Variants in LZTS1 observed in about 807,000 individuals in gnomAD.
LZTS1 encodes leucine zipper tumor suppressor 1.
Under a neutral mutation model 45.8 loss-of-function variants are expected in LZTS1, and 31 were observed. The observed-to-expected ratio is 0.68, with a 90% CI of 0.51 to 0.91. The LOEUF (loss-of-function observed/expected upper bound fraction) is 0.91. Among genes scored for constraint, LZTS1 ranks in the 40% least tolerant of loss-of-function variants. The pLI is 0.00. For missense variants in LZTS1, 821 were observed against 788.9 expected (o/e 1.04, Z -0.49); for synonymous variants, 359 against 357.3 (o/e 1.00, Z -0.05).
chr8:20,288,411 G>C (rs534228594), intron 1 of LZTS1, among the ~76,000 whole-genome samples: 16 of 152,296 alleles, frequency 1.1e-4, no homozygotes, highest in Non-Finnish European at 2.1e-4. Flanking sequence ...GCAGTGCCCA[G>C]TCCAGGGCGG....
chr8:20,299,059 C>T (rs544858447), intron 1 of LZTS1, among the ~76,000 whole-genome samples: 26 of 152,246 alleles, frequency 1.7e-4, no homozygotes, highest in Admixed American at 3.9e-4. Flanking sequence ...CTAATTTGCA[C>T]GCTGGCTGGA....
chr8:20,249,504 G>A lies in LZTS1; in HGVS notation c.*218C>T. Reference sequence around the variant, plus strand: ...GACCCATCTCCTGGGAAAGCCAGAGGAGTCAGGGCCTGACGTCTGGTGGGC... The same window carrying A: ...GACCCATCTCCTGGGAAAGCCAGAGAAGTCAGGGCCTGACGTCTGGTGGGC... On this transcript the variant is annotated 3_prime_UTR_variant, in exon 4 of 4. Transcript: ENST00000381569. The A allele has an allele frequency of 1.7e-6, 1 of 596,320 alleles. No homozygotes were observed. The highest frequency in any genetic ancestry group is 2.9e-6 in the Non-Finnish European group (1 of 341,882). 36.9% of individuals were successfully genotyped at this position (596,320 alleles called of 1,614,324 possible).
chr8:20,271,583 C>T (rs532372775), intron 1 of LZTS1, among the ~76,000 whole-genome samples: 7 of 152,300 alleles, frequency 4.6e-5, no homozygotes, highest in East Asian at 1.9e-4. Context: ...CTTCTGGCCC[C>T]GGTGACGCTG....
At chr8:20,264,926 G>A (rs966640454) in intron 1 of LZTS1, among the ~76,000 whole-genome samples, 10 of 152,188 alleles carry the variant, frequency 6.6e-5, no homozygotes, top group African/African-American at 1.4e-4. Flanking sequence ...ACCAGGGCAC[G>A]TGTGGAAAGG....
In LZTS1 at chr8:20,249,498, C is replaced by A; in HGVS notation, c.*224G>T. 1.7e-6 allele frequency: 1 copy of A among 590,290 alleles called. No individual in the cohort carries two copies. Among genetic ancestry groups the A allele is most frequent in the Non-Finnish European group, 3.0e-6 (1 of 337,152 alleles). The allele number at this position is 590,290 out of a possible 1,614,324, so 36.6% of individuals were successfully genotyped here. A position where few individuals can be genotyped will look rare whatever the true frequency, so the allele number is the denominator to read the frequency against. ...CCCCTGGACCCATCTCCTGGGAAAG[C>A]CAGAGGAGTCAGGGCCTGACGTCTG... is the stretch of plus-strand genomic sequence containing the variant. On this transcript the variant is annotated 3_prime_UTR_variant, in exon 4 of 4. Transcript: ENST00000381569.
At chr8:20,293,894 G>C (rs1326796988) in intron 1 of LZTS1, among the ~76,000 whole-genome samples, 1 of 152,148 alleles carries the variant, frequency 6.6e-6, no homozygotes, top group East Asian at 1.9e-4. Flanking sequence ...CTGCACTCCA[G>C]CCTGGACAAC....
intron 1 of LZTS1, among the ~76,000 whole-genome samples, chr8:20,265,640 C>A (rs1303598176): frequency 7.6e-6 from 1 of 131,460 alleles, no homozygotes; most frequent in Admixed American, 9.0e-5. Context: ...GATCATGCCA[C>A]TGCACTCCAG....
intron 1 of LZTS1, among the ~76,000 whole-genome samples, chr8:20,282,653 C>T (rs755571511): frequency 1.2e-4 from 18 of 152,164 alleles, no homozygotes; most frequent in Non-Finnish European, 2.1e-4. Context: ...AGGGGCTGTC[C>T]TGTGTGTGGT....
At chr8:20,254,766 G>A (rs1043368741) in intron 2 of LZTS1, 71 bp downstream of exon 2, 1 of 1,301,982 alleles carries the variant, frequency 7.7e-7, no homozygotes, top group Non-Finnish European at 1.0e-6. Context: ...TGAACCCCCA[G>A]GCTCTCCACC....
At chr8:20,251,862 C>A (rs1799925251) in intron 3 of LZTS1, among the ~76,000 whole-genome samples, 1 of 152,116 alleles carries the variant, frequency 6.6e-6, no homozygotes, top group African/African-American at 2.4e-5. Context: ...GGAAATCAGG[C>A]TGACACCAAA....
chr8:20,276,158 G>A (rs13256776), intron 1 of LZTS1, among the ~76,000 whole-genome samples: 39,924 of 151,886 alleles, frequency 0.26, 5,832 homozygotes, highest in East Asian at 0.51. Flanking sequence ...CTGGTTTAAT[G>A]AATGGATGAC....
chr8:20,251,712 T>C (rs1038164910), intron 3 of LZTS1, among the ~76,000 whole-genome samples: 4 of 152,228 alleles, frequency 2.6e-5, no homozygotes, highest in African/African-American at 9.6e-5. Context: ...GATTGGGCTC[T>C]GCATCCAAGC....
At chr8:20,264,426 C>T (rs17092193) in intron 1 of LZTS1, among the ~76,000 whole-genome samples, 5,890 of 152,276 alleles carry the variant, frequency 0.039, 374 homozygotes, top group African/African-American at 0.13. Flanking sequence ...GTTCCTTAAA[C>T]TGTGCAGGAG....
chr8:20,246,451 C>G lies in LZTS1; in HGVS notation c.*3271G>C, dbSNP rs1210709395. 6.6e-6 allele frequency: 1 copy of G among 152,250 alleles called. No individual in the cohort carries two copies. Among genetic ancestry groups the G allele is most frequent in the African/African-American group, 2.4e-5 (1 of 41,460 alleles). 9.4% of individuals were successfully genotyped at this position (152,250 alleles called of 1,614,324 possible). On this transcript the variant is annotated 3_prime_UTR_variant, in exon 4 of 4. Transcript: ENST00000381569. ...CCCCGCTGGCCCAGGGGTGCAGCCT[C>G]TGTCATGGCAGCACCCACCGCATGA...
intron 1 of LZTS1, among the ~76,000 whole-genome samples, chr8:20,263,183 T>C (rs1800277889): frequency 6.6e-6 from 1 of 152,136 alleles, no homozygotes; most frequent in Non-Finnish European, 1.5e-5. Flanking sequence ...CACAGAGGTC[T>C]TAGTGCCACT....
chr8:20,269,529 A>C (rs1800432609), intron 1 of LZTS1, among the ~76,000 whole-genome samples: 1 of 152,188 alleles, frequency 6.6e-6, no homozygotes, highest in South Asian at 2.1e-4. Context: ...ACCGACATGA[A>C]CCAACAGGGC....
chr8:20,298,684 G>A (rs562908778), intron 1 of LZTS1, among the ~76,000 whole-genome samples: 2 of 152,248 alleles, frequency 1.3e-5, no homozygotes, highest in Admixed American at 6.5e-5. Context: ...GCAACATAGC[G>A]AGACCTTATT....
intron 1 of LZTS1, among the ~76,000 whole-genome samples, chr8:20,293,636 G>A (rs1800936553): frequency 6.6e-6 from 1 of 152,210 alleles, no homozygotes; most frequent in Non-Finnish European, 1.5e-5. Context: ...AAAGGATGGA[G>A]CTGAAATAGA....
At chr8:20,271,607 C>T (rs1306493755) in intron 1 of LZTS1, among the ~76,000 whole-genome samples, 1 of 152,186 alleles carries the variant, frequency 6.6e-6, no homozygotes, top group Non-Finnish European at 1.5e-5. Context: ...GACTCATAGG[C>T]CCCACTTGCC....
Sources: gnomAD v4.1 joint callset for allele counts (sites outside exome capture counted in the v4.1 genomes callset) on GRCh38, gnomAD v4.1.1 for gene constraint, MANE v1.5 for transcripts, NCBI Gene and HGNC (gene_info 2026-07-23, HGNC 2026-07-21) for gene names.